The following FSTL5 variants were observed in gnomAD, a reference collection of about 807,000 sequenced individuals.
The protein encoded by FSTL5 is follistatin-related protein 5.
FSTL5 carries 62 observed loss-of-function variants against 89.1 expected under a neutral mutation model. The ratio of observed to expected loss-of-function variants is 0.70; its 90% CI spans 0.57 to 0.86. FSTL5 has a LOEUF of 0.86. Among genes scored for constraint, FSTL5 ranks in the 40% least tolerant of loss-of-function variants. FSTL5 has a pLI of 0.00. For missense variants in FSTL5, 1,057 were observed against 1,001.6 expected (o/e 1.06, Z -0.75); for synonymous variants, 383 against 346.2 (o/e 1.11, Z -1.18).
At position 162,057,959 on chromosome 4, in the gene FSTL5, A is replaced by T. The variant is rs569677204; in HGVS notation, c.127-24301T>A. Among the ~76,000 whole-genome samples, 272 of 152,236 alleles carry T rather than the reference A, an allele frequency of 1.8e-3. No individual in the cohort carries two copies. The Middle Eastern group carries it at 0.02, about 11-fold the overall frequency. On this transcript the variant is annotated intron_variant, in intron 2 of 15. Transcript: ENST00000306100. ...ACTCCATCTCAAAAGAATAAAAATAATAATAATAATAATTCTGGGGTACTG... is the reference window on the plus strand; with the variant it reads ...ACTCCATCTCAAAAGAATAAAAATATTAATAATAATAATTCTGGGGTACTG...
chr4:161,600,548 C>G (rs1048928411), intron 7 of FSTL5, among the ~76,000 whole-genome samples: 2 of 151,996 alleles, frequency 1.3e-5, no homozygotes, highest in African/African-American at 2.4e-5. Context: ...ACATAAGTAT[C>G]TCAAAGTAAA....
intron 10 of FSTL5, among the ~76,000 whole-genome samples, chr4:161,511,592 A>T (rs1730655228): frequency 6.6e-6 from 1 of 152,136 alleles, no homozygotes; most frequent in Non-Finnish European, 1.5e-5. Context: ...GTGGTGATGG[A>T]TGTGTTAATG....
chr4:162,022,601 A>C (rs903902389), intron 3 of FSTL5: 1 of 152,170 alleles, frequency 6.6e-6, no homozygotes, highest in Non-Finnish European at 1.5e-5. Flanking sequence ...ATCCTATTAA[A>C]GTCATTGCTG....
intron 15 of FSTL5, among the ~76,000 whole-genome samples, chr4:161,409,078 T>C (rs571271213): frequency 3.7e-4 from 57 of 152,130 alleles, no homozygotes; most frequent in African/African-American, 1.3e-3. Flanking sequence ...ACAGATACTA[T>C]ACAAGATGAC....
chr4:162,041,862 T>C (rs575886972), intron 2 of FSTL5: 3 of 152,204 alleles, frequency 2.0e-5, no homozygotes, highest in African/African-American at 4.8e-5. Flanking sequence ...AGAAGTTATA[T>C]GAAGCAGGCC....
chr4:161,741,681 ATT>A (rs367947098), intron 6 of FSTL5, among the ~76,000 whole-genome samples: 8 of 104,660 alleles, frequency 7.6e-5, no homozygotes, highest in East Asian at 2.9e-4. Context: ...GAGAAGTATG[ATT>A]TTTTTTTTTT....
chr4:161,500,583 A>C (rs1730260930), intron 11 of FSTL5, among the ~76,000 whole-genome samples: 1 of 152,132 alleles, frequency 6.6e-6, no homozygotes, highest in African/African-American at 2.4e-5. Flanking sequence ...ATTTTTAGGA[A>C]GAAAAAGACC....
chr4:161,883,278 A>C (rs1018189466), intron 4 of FSTL5, among the ~76,000 whole-genome samples: 5 of 152,212 alleles, frequency 3.3e-5, no homozygotes, highest in African/African-American at 1.2e-4. Flanking sequence ...ATCTGAACAG[A>C]GTGAAGAACA....
intron 4 of FSTL5, among the ~76,000 whole-genome samples, chr4:161,877,314 T>C (rs1292576400): frequency 6.6e-6 from 1 of 150,968 alleles, no homozygotes; most frequent in Admixed American, 6.6e-5. Flanking sequence ...ATACAAAAAT[T>C]ACTATGATAA....
intron 3 of FSTL5, among the ~76,000 whole-genome samples, chr4:162,016,501 C>A (rs184340597): frequency 2.5e-4 from 38 of 152,194 alleles, no homozygotes; most frequent in African/African-American, 9.2e-4. Context: ...TCATTCTGAG[C>A]AGGATAAGAA....
At chr4:162,029,906 CTT>C (rs67266989) in intron 3 of FSTL5, among the ~76,000 whole-genome samples, 202 of 144,156 alleles carry the variant, frequency 1.4e-3, no homozygotes, top group African/African-American at 4.0e-3. Context: ...AAATTATTTC[CTT>C]TTTTTTTTTT....
At chr4:162,109,586 T>C (rs926412829) in intron 2 of FSTL5, among the ~76,000 whole-genome samples, 2 of 152,104 alleles carry the variant, frequency 1.3e-5, no homozygotes, top group Non-Finnish European at 2.9e-5. Flanking sequence ...GTTATTTCTT[T>C]AAAGCTTTAC....
chr4:161,817,091 C>T (rs1730347084), intron 4 of FSTL5, among the ~76,000 whole-genome samples: 3 of 152,278 alleles, frequency 2.0e-5, no homozygotes, highest in East Asian at 3.9e-4. Flanking sequence ...AAGCTTCTAA[C>T]TATCCAGGAT....
intron 8 of FSTL5, 39 bp downstream of exon 8, chr4:161,587,416 G>C (rs201694773): frequency 5.0e-4 from 801 of 1,599,452 alleles, no homozygotes; most frequent in Non-Finnish European, 6.4e-4. Flanking sequence ...AAACTATGGT[G>C]TTCTTTGAAT....
intron 4 of FSTL5, among the ~76,000 whole-genome samples, chr4:161,871,142 T>A (rs924010329): frequency 6.6e-6 from 1 of 152,110 alleles, no homozygotes; most frequent in African/African-American, 2.4e-5. Context: ...TAAAACCAAA[T>A]ACTTTATGAC....
intron 8 of FSTL5, among the ~76,000 whole-genome samples, chr4:161,545,465 T>A (rs539643363): frequency 1.3e-5 from 2 of 152,044 alleles, no homozygotes; most frequent in Admixed American, 1.3e-4. Context: ...CGTTGCTACA[T>A]TGAATCAAAT....
intron 3 of FSTL5, among the ~76,000 whole-genome samples, chr4:161,929,685 G>GTGTGTGTGTGTGTGTA (rs1553983477): frequency 7.8e-4 from 116 of 149,202 alleles, no homozygotes; most frequent in African/African-American, 2.8e-3. Context: ...GTGTGTGTGT[G>GTGTGTGTGTGTGTGTA]TGTGTGTGTG....
chr4:161,810,429 C>T (rs1294403424), intron 4 of FSTL5, among the ~76,000 whole-genome samples: 1 of 151,974 alleles, frequency 6.6e-6, no homozygotes, highest in African/African-American at 2.4e-5. Context: ...AAGATGGTCA[C>T]AATAATGTGT....
intron 4 of FSTL5, among the ~76,000 whole-genome samples, chr4:161,783,579 C>T (rs1053706114): frequency 6.8e-6 from 1 of 148,068 alleles, no homozygotes; most frequent in Non-Finnish European, 1.5e-5. Context: ...TCTTTCTTTG[C>T]TTTCCTTGCT....
Sources: gnomAD v4.1 joint callset for allele counts (sites outside exome capture counted in the v4.1 genomes callset) on GRCh38, gnomAD v4.1.1 for gene constraint, MANE v1.5 for transcripts, NCBI Gene and HGNC (gene_info 2026-07-23, HGNC 2026-07-21) for gene names.